Variants in GATA3 observed in about 807,000 individuals in gnomAD.
The protein encoded by GATA3 is GATA binding protein 3, also known as trans-acting T-cell-specific transcription factor GATA-3.
GATA3 carries 6 observed loss-of-function variants against 36.0 expected under a neutral mutation model. The ratio of observed to expected loss-of-function variants is 0.17; its 90% CI spans 0.09 to 0.33. The LOEUF (loss-of-function observed/expected upper bound fraction) is 0.33. GATA3 is among the 10% of genes least tolerant of loss of function. The pLI, the probability that GATA3 is intolerant of heterozygous loss-of-function variation, is 1.00. For synonymous variants in GATA3, 326 were observed against 273.0 expected (o/e 1.19, Z -1.92); for missense variants, 514 against 610.1 (o/e 0.84, Z 1.66).
Position 8,055,706 on chromosome 10 carries a change from C to G in GATA3, c.51C>G (p.Ala17=), listed in dbSNP as rs932657718. 6.4e-6 allele frequency: 10 copies of G among 1,563,362 alleles called. No homozygotes were observed. The African/African-American group carries it at 1.2e-4, about 19-fold the overall frequency. ...GCTGGGTGAGCCACCACCACCCCGCCGTGCTCAACGGGCAGCACCCGGACA... is the reference window on the plus strand; with the variant it reads ...GCTGGGTGAGCCACCACCACCCCGCGGTGCTCAACGGGCAGCACCCGGACA... ...QPRWVSHHHP[A]VLNGQHPDTH... is the part of the protein sequence containing the mutation. The change falls in exon 2 of 6, where the codon GCC becomes GCG. Residue 17 remains alanine (A), a synonymous_variant. Transcript: ENST00000379328. The surrounding 1 kb of genome is among the most constrained non-coding windows in gnomAD (Gnocchi z 5.4).
intron 4 of GATA3, among the ~76,000 whole-genome samples, chr10:8,069,258 C>T (rs1216393246): frequency 6.6e-6 from 1 of 152,150 alleles, no homozygotes; most frequent in Non-Finnish European, 1.5e-5. Context: ...GACCACGTTA[C>T]TGCAATCCTG....
chr10:8,048,533 A>G (rs1326862760), intron 1 of GATA3, among the ~76,000 whole-genome samples: 1 of 152,180 alleles, frequency 6.6e-6, no homozygotes, highest in African/African-American at 2.4e-5. Context: ...GGGCAGGGTA[A>G]GATGTCCAAA....
chr10:8,070,719 C>T (rs1479335596), intron 5 of GATA3, among the ~76,000 whole-genome samples: 1 of 152,160 alleles, frequency 6.6e-6, no homozygotes, highest in Non-Finnish European at 1.5e-5. Flanking sequence ...GACCCCAGCA[C>T]CCTGCTTCTT....
chr10:8,050,221 C>A (rs956742249), upstream of GATA3, among the ~76,000 whole-genome samples: 5 of 152,364 alleles, frequency 3.3e-5, no homozygotes, highest in African/African-American at 1.2e-4. Flanking sequence ...TCGAATTAAA[C>A]GTCTCTGGGC....
intron 2 of GATA3, among the ~76,000 whole-genome samples, chr10:8,056,557 C>G (rs2131484619): frequency 6.6e-6 from 1 of 152,286 alleles, no homozygotes; most frequent in African/African-American, 2.4e-5. Context: ...GGGAAGACCC[C>G]TGTCTTAAGT....
rs1030189256 is a variant in GATA3, at chr10:8,055,971, T to C, written c.241+75T>C. The C allele has an allele frequency of 5.5e-5, 84 of 1,537,000 alleles. No homozygotes were observed. Among genetic ancestry groups the C allele is most frequent in the Non-Finnish European group, 7.2e-5 (82 of 1,136,072 alleles). On this transcript the variant is annotated intron_variant, in intron 2 of 5. Transcript: ENST00000379328. The surrounding 1 kb of genome is among the most constrained non-coding windows in gnomAD (Gnocchi z 5.4). The stretch of plus-strand genomic sequence containing the variant: ...CGGCTCGGGGAGGTCGGGAGGGACC[T>C]GAGGGCGGGGAGAGGTCAAGCGAAA...
At chr10:8,046,691 G>GTGTGTGTGTGTC (rs58533845) in intron 1 of GATA3, among the ~76,000 whole-genome samples, 2,951 of 144,912 alleles carry the variant, frequency 0.02, 47 homozygotes, top group Non-Finnish European at 0.031. Context: ...GTGTGTGTGT[G>GTGTGTGTGTGTC]TCAGGGGCTT....
upstream of GATA3, among the ~76,000 whole-genome samples, chr10:8,054,466 C>G (rs1487098222): frequency 6.6e-6 from 1 of 152,140 alleles, no homozygotes; most frequent in Non-Finnish European, 1.5e-5. The surrounding 1 kb of genome is among the most constrained non-coding windows in gnomAD (Gnocchi z 4.2). Context: ...CCCGCCGCCC[C>G]TCCGCCGGCG....
chr10:8,052,824 T>C (rs1149901), upstream of GATA3: 120,227 of 149,246 alleles, frequency 0.81, 48,580 homozygotes, highest in East Asian at 0.96. Flanking sequence ...GGTCAGAGAA[T>C]GAAAGGAAAA....
At chr10:8,073,657 C>G (rs1832966307) in intron 5 of GATA3, 82 bp from the exon 6 acceptor site, 1 of 1,462,814 alleles carries the variant, frequency 6.8e-7, no homozygotes, top group East Asian at 2.5e-5. Flanking sequence ...GTCAGTGGAA[C>G]CCTTCTTGGT....
upstream of GATA3, chr10:8,050,714 C>G: frequency 3.9e-6 from 1 of 258,138 alleles, no homozygotes; most frequent in South Asian, 3.5e-5. Context: ...GGCTCCGCTT[C>G]TTTCTTCTGC....
At chr10:8,046,913 G>A (rs1397773502) in intron 1 of GATA3, among the ~76,000 whole-genome samples, 1 of 152,118 alleles carries the variant, frequency 6.6e-6, no homozygotes, top group Non-Finnish European at 1.5e-5. Context: ...CCTGGCCCAA[G>A]AAGCCGCAGG....
chr10:8,066,455 T>C (rs908677944), intron 4 of GATA3, among the ~76,000 whole-genome samples: 14 of 150,962 alleles, frequency 9.3e-5, no homozygotes, highest in Admixed American at 5.3e-4. Flanking sequence ...TCTTTCTTTT[T>C]TTTTTTTAGC....
chr10:8,056,027 A>C, intron 2 of GATA3, 131 bp downstream of exon 2: 2 of 1,288,418 alleles, frequency 1.6e-6, no homozygotes, highest in Non-Finnish European at 2.2e-6. Context: ...GTTCATTTAC[A>C]AAAAAATTGG....
At chr10:8,048,463 G>C (rs1397349788) in intron 1 of GATA3, among the ~76,000 whole-genome samples, 1 of 152,224 alleles carries the variant, frequency 6.6e-6, no homozygotes, top group Non-Finnish European at 1.5e-5. Flanking sequence ...CCCCTGGGAC[G>C]GAGGAGAGGT....
chr10:8,051,650 G>C (rs1168654607), upstream of GATA3: 3 of 152,628 alleles, frequency 2.0e-5, no homozygotes, highest in Admixed American at 6.5e-5. Flanking sequence ...TCAGGTCTGC[G>C]GGAAGGCGCT....
chr10:8,051,046 C>A, upstream of GATA3: 1 of 525,342 alleles, frequency 1.9e-6, no homozygotes, highest in Admixed American at 2.0e-5. Flanking sequence ...AGCCCTAGGG[C>A]TGAGCCCCAG....
intron 2 of GATA3, among the ~76,000 whole-genome samples, chr10:8,056,330 C>T (rs1832638154): frequency 6.6e-6 from 1 of 152,224 alleles, no homozygotes; most frequent in Non-Finnish European, 1.5e-5. Context: ...ACCTGGCGTT[C>T]CCTGTTACCC....
At chr10:8,051,246 C>A, upstream of GATA3, 1 of 396,070 alleles carries the variant, frequency 2.5e-6, no homozygotes, top group South Asian at 1.9e-5. Flanking sequence ...CTCCATTTCT[C>A]ACCTTTTTCC....
Sources: allele counts gnomAD v4.1 joint callset (sites outside exome capture counted in the v4.1 genomes callset), GRCh38; gene constraint gnomAD v4.1.1; non-coding constraint Gnocchi (gnomAD v3.1); transcripts MANE v1.5; gene names NCBI Gene and HGNC (gene_info 2026-07-23, HGNC 2026-07-21).